Variants in NRP1 observed in about 807,000 individuals in gnomAD.
NRP1 encodes neuropilin-1.
In NRP1, 35 loss-of-function variants were observed where a neutral mutation model predicts 106.7. The ratio of observed to expected loss-of-function variants is 0.33; its 90% confidence interval spans 0.25 to 0.43. The LOEUF is 0.43. Among genes scored for constraint, NRP1 ranks in the 20% least tolerant of loss-of-function variants. The pLI, the probability that NRP1 is intolerant of heterozygous loss-of-function variation, is 1.00. For synonymous variants in NRP1, 437 were observed against 417.9 expected (o/e 1.05, Z -0.56); for missense variants, 1,024 against 1,170.4 (o/e 0.87, Z 1.83).
Position 33,179,829 on chromosome 10 carries a change from C to T in NRP1, c.*247G>A, listed in dbSNP as rs1835568135. 2.0e-6 allele frequency: 1 copy of T among 512,800 alleles called. No individual in the cohort carries two copies. Among genetic ancestry groups the T allele is most frequent in the Non-Finnish European group, 3.5e-6 (1 of 286,904 alleles). The allele number at this position is 512,800 out of a possible 1,614,324, so 31.8% of individuals were successfully genotyped here. ...AATGATTATGTCAATCATACTTGGT[C>T]TCAACACCAGCATCTGATTATTCAA... On this transcript the variant is annotated 3_prime_UTR_variant, in exon 17 of 17. Transcript: ENST00000374867.
At chr10:33,226,058 C>G in intron 7 of NRP1, 76 bp downstream of exon 7, 1 of 1,494,762 alleles carries the variant, frequency 6.7e-7, no homozygotes, top group African/African-American at 1.4e-5. Flanking sequence ...AGACAGAAAG[C>G]TACCAAACAA....
intron 6 of NRP1, among the ~76,000 whole-genome samples, chr10:33,237,530 T>C (rs942388275): frequency 1.3e-5 from 2 of 149,598 alleles, no homozygotes; most frequent in East Asian, 4.0e-4. Context: ...TCCCACCCAA[T>C]TGCTTACATT....
In NRP1 at chr10:33,204,748, TGA is replaced by T. The variant is rs574058038; in HGVS notation, c.1760-1755_1760-1754del. 1.5e-3 allele frequency among the ~76,000 whole-genome samples: 230 copies of T among 152,328 alleles called. 2 individuals are homozygous for T. The highest frequency in any genetic ancestry group is 5.2e-3 in the African/African-American group (218 of 41,574). On this transcript the variant is annotated intron_variant, in intron 10 of 16. Coordinates refer to ENST00000374867, the MANE Select transcript of NRP1 (RefSeq NM_003873.7). ...GTTCTTTATTTCTTTTTTCTTTTTT[TGA>T]GATGGAGTTTCACTCTTGTCACCCA... is the stretch of plus-strand genomic sequence containing the variant.
chr10:33,213,474 T>G lies in NRP1; in HGVS notation c.1526A>C (p.Lys509Thr), dbSNP rs1327457530. 1.2e-6 allele frequency: 2 copies of G among 1,614,004 alleles called. No homozygotes were observed. Among genetic ancestry groups the G allele is most frequent in the Non-Finnish European group, 8.5e-7 (1 of 1,179,998 alleles). Residue 509 changes from lysine (K) to threonine (T), a missense_variant, in exon 9 of 17, where the codon AAG becomes ACG. Lys to Thr is a moderately conservative substitution (Grantham distance 78). Coordinates refer to ENST00000374867, the MANE Select transcript of NRP1 (RefSeq NM_003873.7). ...IIQGGKHREN[K>T]VFMRKFKIGY... is the part of the protein sequence containing the mutation. ...GATCTTGAACTTCCTCATGAACACC[T>G]TGTTCTCTCGGTGCTTCCCACCCTG...
At chr10:33,314,077 TCC>T (rs1846830988) in intron 2 of NRP1, among the ~76,000 whole-genome samples, 2 of 117,474 alleles carry the variant, frequency 1.7e-5, no homozygotes, top group Admixed American at 9.8e-5. Flanking sequence ...CCTCCCTCCC[TCC>T]CTCCTCTCTC....
At chr10:33,195,427 T>C (rs1836710816) in intron 12 of NRP1, 1 of 497,152 alleles carries the variant, frequency 2.0e-6, no homozygotes, top group Non-Finnish European at 4.1e-6. Context: ...ATAAATATTA[T>C]ATGCCCATGG....
intron 8 of NRP1, among the ~76,000 whole-genome samples, chr10:33,218,717 T>TA (rs1838986394): frequency 6.6e-6 from 1 of 152,180 alleles, no homozygotes; most frequent in African/African-American, 2.4e-5. Flanking sequence ...TTTAGTGGCT[T>TA]TGGAAGCCAA....
intron 2 of NRP1, among the ~76,000 whole-genome samples, chr10:33,296,858 G>A (rs565495123): frequency 5.3e-5 from 8 of 152,080 alleles, no homozygotes; most frequent in African/African-American, 1.2e-4. Context: ...GCGAAACCCC[G>A]CCTCTACTAA....
intron 6 of NRP1, among the ~76,000 whole-genome samples, chr10:33,228,745 T>C (rs372495689): frequency 6.6e-6 from 1 of 152,256 alleles, no homozygotes; most frequent in East Asian, 1.9e-4. Context: ...AAATAATCTT[T>C]ATTTCATTTC....
At chr10:33,202,506 T>G (rs1837398706) in intron 11 of NRP1, 5 of 1,155,390 alleles carry the variant, frequency 4.3e-6, no homozygotes, top group Non-Finnish European at 5.8e-6. Flanking sequence ...CTTGTCCTCA[T>G]TAGAAAATGA....
chr10:33,271,156 G>A (rs1843287331), intron 2 of NRP1, among the ~76,000 whole-genome samples: 1 of 152,184 alleles, frequency 6.6e-6, no homozygotes, highest in South Asian at 2.1e-4. Flanking sequence ...AAAATCTCAT[G>A]AGCACAATCC....
chr10:33,243,242 G>T (rs1661898412), intron 6 of NRP1, among the ~76,000 whole-genome samples: 1 of 152,096 alleles, frequency 6.6e-6, no homozygotes, highest in Non-Finnish European at 1.5e-5. Flanking sequence ...AAAAAATCTT[G>T]TTAATTAAAA....
At chr10:33,328,043 A>T (rs1392577241) in intron 2 of NRP1, among the ~76,000 whole-genome samples, 2 of 152,104 alleles carry the variant, frequency 1.3e-5, no homozygotes, top group East Asian at 3.8e-4. Flanking sequence ...ACAATTAAGA[A>T]ATCACCTTAC....
At position 33,207,586 on chromosome 10, in the gene NRP1, C is replaced by A; in HGVS notation, c.1745G>T (p.Gly582Val). ...ATCATAATTACCTTCCACTTCACAG[C>A]CCAGCAGCTCCATTCTGAGCCCCAG... ...GGLGLRMELLGCEVEAPTAGP... is the reference protein window; with the variant it reads ...GGLGLRMELLVCEVEAPTAGP... The change falls in exon 10 of 17, where the codon GGC (glycine) becomes GTC (valine). Residue 582 changes from glycine to valine, a missense_variant. Transcript: ENST00000374867. 1 of 1,614,196 alleles carries A rather than the reference C, an allele frequency of 6.2e-7. No homozygotes were observed. The highest frequency in any genetic ancestry group is 8.5e-7 in the Non-Finnish European group (1 of 1,180,016).
At chr10:33,227,530 G>A (rs2132951889) in intron 6 of NRP1, among the ~76,000 whole-genome samples, 1 of 152,318 alleles carries the variant, frequency 6.6e-6, no homozygotes, top group East Asian at 1.9e-4. Flanking sequence ...TGAGAGGCAG[G>A]TGGATTCCAA....
intron 1 of NRP1, 60 bp downstream of exon 1, chr10:33,334,250 C>CGG (rs1848475805): frequency 1.4e-6 from 2 of 1,478,040 alleles, no homozygotes; most frequent in Non-Finnish European, 1.8e-6. Flanking sequence ...AGCCCCGGTC[C>CGG]GGGGCGGGCA....
At chr10:33,311,869 AG>A (rs1846629410) in intron 2 of NRP1, among the ~76,000 whole-genome samples, 1 of 152,238 alleles carries the variant, frequency 6.6e-6, no homozygotes, top group South Asian at 2.1e-4. Context: ...GATAAGAAAC[AG>A]GAACAGTTTA....
intron 2 of NRP1, among the ~76,000 whole-genome samples, chr10:33,293,738 C>T (rs967894182): frequency 4.6e-5 from 7 of 152,168 alleles, no homozygotes; most frequent in Admixed American, 6.5e-5. Context: ...AACGTGCTCG[C>T]GTGCATGCAC....
intron 2 of NRP1, among the ~76,000 whole-genome samples, chr10:33,289,408 A>C (rs1371712600): frequency 2.6e-5 from 4 of 152,160 alleles, no homozygotes; most frequent in Non-Finnish European, 5.9e-5. Flanking sequence ...CTAGGTGCTT[A>C]TATCAATCTT....
Sources: allele counts gnomAD v4.1 joint callset (sites outside exome capture counted in the v4.1 genomes callset), GRCh38; gene constraint gnomAD v4.1.1; transcripts MANE v1.5; gene names NCBI Gene and HGNC (gene_info 2026-07-23, HGNC 2026-07-21).